The following FAT3 variants were observed in gnomAD, a reference collection of about 807,000 sequenced individuals.
The protein encoded by FAT3 is protocadherin Fat 3.
In FAT3, 95 loss-of-function variants were observed where a neutral mutation model predicts 310.2. That is an observed-to-expected ratio of 0.31 (90% CI 0.26 to 0.36). The LOEUF (loss-of-function observed/expected upper bound fraction) is 0.36, where lower values mean the gene tolerates loss of function less well. Among genes scored for constraint, FAT3 ranks in the 10% least tolerant of loss-of-function variants. The probability of loss-of-function intolerance (pLI) is 1.00; values close to 1 mark genes in which losing one functional copy is unlikely to be tolerated. For synonymous variants in FAT3, 2,314 were observed against 2,192.9 expected, an observed-to-expected ratio of 1.06 and a Z score of -1.54; for missense variants, 5,408 against 5,715.6, an observed-to-expected ratio of 0.95 and a Z score of 1.74.
At chr11:92,284,512 A>C (rs1435089251) in intron 1 of FAT3, among the ~76,000 whole-genome samples, 3 of 152,128 alleles carry the variant, frequency 2.0e-5, no homozygotes, top group Non-Finnish European at 4.4e-5. Flanking sequence ...TTATGTTATA[A>C]GAGTCCTGGA....
chr11:92,830,532 T>C lies in FAT3; in HGVS notation c.9482-1090T>C, dbSNP rs188693899. Among the ~76,000 whole-genome samples the C allele has an allele frequency of 2.6e-5, 4 of 152,258 alleles. No homozygotes were observed. In the East Asian group the frequency reaches 5.8e-4, roughly 22 times the overall value. On this transcript the variant is annotated intron_variant, in intron 13 of 27. Transcript: ENST00000525166. ...TCCCTTATGACCTCATTCATTTGCA[T>C]GGCTTTGCATGACATCTGTACACCA...
Position 92,415,849 on chromosome 11 carries a change from C to CTTTTTTTTTTTTTT in FAT3, c.3292+60456_3292+60469dup, listed in dbSNP as rs1196695394. 4.5e-3 allele frequency among the ~76,000 whole-genome samples: 315 copies of CTTTTTTTTTTTTTT among 70,404 alleles called. 7 individuals carry two copies. The highest frequency in any genetic ancestry group is 5.8e-3 in the Non-Finnish European group (207 of 35,806). The allele number at this position is 70,404 out of a possible 152,430, so 46.2% of individuals were successfully genotyped here. On this transcript the variant is annotated intron_variant, in intron 2 of 27. Transcript: ENST00000525166. Reference sequence around the variant, plus strand: ...CAATCTTTTAGCATAAGCATTTTTGCTTTTTTTTTTTTTTTTTTTTTTTTA... The same window carrying CTTTTTTTTTTTTTT: ...CAATCTTTTAGCATAAGCATTTTTGCTTTTTTTTTTTTTTTTTTTTTTTTTTTTTTTTTTTTTTA...
intron 1 of FAT3, among the ~76,000 whole-genome samples, chr11:92,235,263 G>C (rs930912322): frequency 3.9e-5 from 6 of 151,916 alleles, no homozygotes; most frequent in Non-Finnish European, 5.9e-5. Context: ...GGTACTTCTT[G>C]GCCCCTTTAT....
At chr11:92,784,443 A>G (rs1339534714) in intron 7 of FAT3, among the ~76,000 whole-genome samples, 1 of 152,172 alleles carries the variant, frequency 6.6e-6, no homozygotes, top group Non-Finnish European at 1.5e-5. Flanking sequence ...CCTTCACCCT[A>G]CTGCTCGCCC....
intron 3 of FAT3, among the ~76,000 whole-genome samples, chr11:92,549,656 A>G (rs988383774): frequency 2.2e-4 from 34 of 152,202 alleles, no homozygotes; most frequent in African/African-American, 8.2e-4. Context: ...AATGCTCACA[A>G]TAACACACTG....
chr11:92,338,379 C>T (rs1355393308), intron 1 of FAT3, among the ~76,000 whole-genome samples: 1 of 152,080 alleles, frequency 6.6e-6, no homozygotes, highest in Non-Finnish European at 1.5e-5. Flanking sequence ...ATTTCCTTTG[C>T]AGAAGCTGTT....
Position 92,889,890 on chromosome 11 carries a change from A to G in FAT3, c.13146A>G (p.Arg4382=), listed in dbSNP as rs771543649. The G allele has an allele frequency of 6.4e-5, 46 of 718,022 alleles. No individual in the cohort carries two copies. The highest frequency in any genetic ancestry group is 7.8e-6 in the Non-Finnish European group (3 of 385,242). The allele number at this position is 718,022 out of a possible 1,614,324, so 44.5% of individuals were successfully genotyped here. The change falls in exon 27 of 28, where the codon CGA becomes CGG. Residue 4382 remains arginine, a splice_region_variant and synonymous_variant. Transcript: ENST00000525166. ...TGGACCAAGGACAGAACTACAACCG[A>G]GGTGACTGTGCCGCAACCCTAGCAT... ...SVMDQGQNYN[R]AYHWDTSDWM...
At chr11:92,738,136 T>C (rs1945405393) in intron 4 of FAT3, among the ~76,000 whole-genome samples, 1 of 152,160 alleles carries the variant, frequency 6.6e-6, no homozygotes, top group African/African-American at 2.4e-5. Flanking sequence ...TGAGGAATCC[T>C]CTAGGAAGCC....
chr11:92,524,739 A>G lies in FAT3; in HGVS notation c.3398A>G (p.Glu1133Gly). The G allele has an allele frequency of 2.5e-6, 4 of 1,613,832 alleles. No individual in the cohort carries two copies. The highest frequency in any genetic ancestry group is 3.4e-6 in the Non-Finnish European group (4 of 1,179,826). The change falls in exon 3 of 28, where the codon GAG (glutamate) becomes GGG (glycine). Residue 1133 changes from glutamate to glycine, a missense_variant. Physicochemically the swap from Glu to Gly is moderately conservative, Grantham distance 98. This residue lies in a region of FAT3 where 4,588 missense variants were observed against 4,809.8 expected (regional missense o/e 0.95). Transcript: ENST00000525166. ...GTTGTTCCACTCTACTCCACCATTG[A>G]GGTCTACATTGAAGTTGAAGATGTG... Reference protein sequence around the residue: ...RGVVPLYSTIEVYIEVEDVND... With the variant: ...RGVVPLYSTIGVYIEVEDVND...
At chr11:92,624,857 C>G (rs498807) in intron 3 of FAT3, among the ~76,000 whole-genome samples, 85,343 of 152,056 alleles carry the variant, frequency 0.56, 25,380 homozygotes, top group African/African-American at 0.76. Flanking sequence ...TCTGAGGACT[C>G]TGAGAGACGA....
In FAT3 at chr11:92,622,739, A is replaced by T. The variant is rs151070630; in HGVS notation, c.3608-74645A>T. On this transcript the variant is annotated intron_variant, in intron 3 of 27. Coordinates refer to ENST00000525166, the MANE Select transcript of FAT3 (RefSeq NM_001367949.2). The stretch of plus-strand genomic sequence containing the variant: ...GAGGGCTTTTCAATTGCACGGTCAC[A>T]GAGAGTTCTCATTTGTGCTCTAGTA... Among the ~76,000 whole-genome samples, 186 of 152,354 alleles carry T rather than the reference A, an allele frequency of 1.2e-3. 1 individual carries two copies. The highest frequency in any genetic ancestry group is 4.4e-3 in the African/African-American group (182 of 41,586).
chr11:92,265,186 A>G (rs1435795112), intron 1 of FAT3, among the ~76,000 whole-genome samples: 1 of 151,886 alleles, frequency 6.6e-6, no homozygotes, highest in Non-Finnish European at 1.5e-5. Flanking sequence ...TTTTTTAGTG[A>G]CCTGGGCCCT....
Position 92,883,022 on chromosome 11 carries a change from T to G in FAT3, c.12566T>G (p.Ile4189Ser), listed in dbSNP as rs2136412591. 1.2e-6 allele frequency: 2 copies of G among 1,613,902 alleles called. No individual in the cohort carries two copies. The highest frequency in any genetic ancestry group is 1.7e-6 in the Non-Finnish European group (2 of 1,179,892). ...VFRKNYSRNN[I>S]TLVQDPATAA... ...CGCAAGAACTACTCCCGCAACAACATCACGCTAGTGCAGGACCCGGCCACC... is the reference window on the plus strand; with the variant it reads ...CGCAAGAACTACTCCCGCAACAACAGCACGCTAGTGCAGGACCCGGCCACC... Residue 4189 changes from isoleucine (I) to serine (S), a missense_variant, in exon 24 of 28, where the codon ATC becomes AGC. Transcript: ENST00000525166. This position sits in a 1 kb window ranked among gnomAD's most constrained non-coding sequence, Gnocchi z 4.2.
chr11:92,448,019 T>C (rs941923896), intron 2 of FAT3, among the ~76,000 whole-genome samples: 7 of 152,138 alleles, frequency 4.6e-5, no homozygotes, highest in African/African-American at 1.7e-4. Context: ...GAAGTCACTC[T>C]GGGACCACAT....
chr11:92,605,873 C>T (rs148341683), intron 3 of FAT3, among the ~76,000 whole-genome samples: 137 of 151,978 alleles, frequency 9.0e-4, no homozygotes, highest in African/African-American at 2.7e-3. Context: ...ATACTCCTGG[C>T]GAGGGCCCCT....
At chr11:92,555,179 G>C (rs1192485442) in intron 3 of FAT3, among the ~76,000 whole-genome samples, 1 of 152,128 alleles carries the variant, frequency 6.6e-6, no homozygotes, top group Non-Finnish European at 1.5e-5. Context: ...AGAGAAAAAT[G>C]TTCTCTTCCT....
chr11:92,864,206 G>GTCTC (rs1949183170), intron 21 of FAT3, among the ~76,000 whole-genome samples: 1 of 152,266 alleles, frequency 6.6e-6, no homozygotes, highest in East Asian at 1.9e-4. Context: ...GGAGGTGGGG[G>GTCTC]TGAGAGAGGA....
chr11:92,461,933 C>T (rs1167951217), intron 2 of FAT3, among the ~76,000 whole-genome samples: 2 of 152,178 alleles, frequency 1.3e-5, no homozygotes, highest in Non-Finnish European at 2.9e-5. Context: ...TACTCCCACC[C>T]TTGATACTGC....
chr11:92,470,337 A>C (rs1269908858), intron 2 of FAT3, among the ~76,000 whole-genome samples: 3 of 152,224 alleles, frequency 2.0e-5, no homozygotes, highest in Non-Finnish European at 4.4e-5. Flanking sequence ...TCTGAGTTGG[A>C]TGTCTTCCAC....
Sources: allele counts gnomAD v4.1 joint callset (sites outside exome capture counted in the v4.1 genomes callset), GRCh38; gene constraint gnomAD v4.1.1; regional missense constraint gnomAD v4.1.1; non-coding constraint Gnocchi (gnomAD v3.1); transcripts MANE v1.5; gene names NCBI Gene and HGNC (gene_info 2026-07-23, HGNC 2026-07-21).